DAB1: variants seen among roughly 807,000 people sequenced by gnomAD.
DAB1 encodes the protein DAB adaptor protein 1.
Under a neutral mutation model 64.6 loss-of-function variants are expected in DAB1, and 15 were observed. That is an observed-to-expected ratio of 0.23 (90% CI 0.16 to 0.36). The LOEUF (loss-of-function observed/expected upper bound fraction) is 0.36, where lower values mean the gene tolerates loss of function less well. Among genes scored for constraint, DAB1 ranks in the 10% least tolerant of loss-of-function variants. The pLI, the probability that DAB1 is intolerant of heterozygous loss-of-function variation, is 1.00. For synonymous variants in DAB1, 235 were observed against 251.9 expected, an observed-to-expected ratio of 0.93 and a Z score of 0.64; for missense variants, 596 against 706.7, an observed-to-expected ratio of 0.84 and a Z score of 1.78.
downstream of DAB1, among the ~76,000 whole-genome samples, chr1:57,824,176 A>G (rs1396449621): frequency 6.6e-6 from 1 of 152,178 alleles, no homozygotes; most frequent in East Asian, 1.9e-4. Flanking sequence ...TTTAAGCCAC[A>G]TGTCAAAAAT....
At chr1:58,545,436 A>C (rs1646686424) in intron 1 of DAB1, among the ~76,000 whole-genome samples, 1 of 152,226 alleles carries the variant, frequency 6.6e-6, no homozygotes, top group South Asian at 2.1e-4. Flanking sequence ...TCCTGAAGAA[A>C]GGGTAAAGAA....
intron 3 of DAB1, among the ~76,000 whole-genome samples, chr1:58,394,313 T>C (rs1644500997): frequency 6.6e-6 from 1 of 152,198 alleles, no homozygotes; most frequent in South Asian, 2.1e-4. Flanking sequence ...CAGTTTCTCT[T>C]AAAATTAAAG....
chr1:57,521,908 G>A (rs186623391), intron 7 of DAB1, among the ~76,000 whole-genome samples: 11 of 152,162 alleles, frequency 7.2e-5, no homozygotes, highest in East Asian at 1.9e-4. Context: ...CCAGGAGTTC[G>A]AGACCATCCT....
chr1:57,224,311 C>G (rs151122376), intron 2 of DAB1, among the ~76,000 whole-genome samples: 137 of 152,272 alleles, frequency 9.0e-4, no homozygotes, highest in African/African-American at 3.2e-3. Flanking sequence ...TAATCTCACC[C>G]AATGTCTCCC....
chr1:57,165,618 C>T (rs913306930), intron 2 of DAB1, among the ~76,000 whole-genome samples: 1 of 152,126 alleles, frequency 6.6e-6, no homozygotes, highest in Admixed American at 6.5e-5. Flanking sequence ...TTCATTTAGC[C>T]TGAAGAAAAA....
intron 3 of DAB1, among the ~76,000 whole-genome samples, chr1:58,395,965 TG>T (rs1195281920): frequency 6.6e-6 from 1 of 152,074 alleles, no homozygotes; most frequent in Non-Finnish European, 1.5e-5. Context: ...ACAAGAAAAT[TG>T]GGGTTTAGAA....
At chr1:57,498,344 T>A (rs1450848721) in intron 7 of DAB1, among the ~76,000 whole-genome samples, 3 of 152,246 alleles carry the variant, frequency 2.0e-5, no homozygotes, top group African/African-American at 7.2e-5. Flanking sequence ...AAGTATGTGA[T>A]GAGAAGGTGC....
chr1:58,478,844 T>C (rs1008643460), intron 3 of DAB1, among the ~76,000 whole-genome samples: 50 of 152,358 alleles, frequency 3.3e-4, no homozygotes, highest in African/African-American at 9.6e-4. Flanking sequence ...ATCTAAATCC[T>C]ATAGGCACAT....
At chr1:57,302,604 T>G (rs768026260) in intron 1 of DAB1, among the ~76,000 whole-genome samples, 1 of 152,142 alleles carries the variant, frequency 6.6e-6, no homozygotes, top group Non-Finnish European at 1.5e-5. Flanking sequence ...GGGATTTTTT[T>G]TTTTATTTTA....
intron 2 of DAB1, among the ~76,000 whole-genome samples, chr1:57,200,660 T>A (rs1217208783): frequency 2.6e-5 from 4 of 152,164 alleles, no homozygotes; most frequent in African/African-American, 9.7e-5. Flanking sequence ...ATAATAAGAA[T>A]GCAAATAAGT....
chr1:57,998,135 G>T (rs1288661900), intron 5 of DAB1, among the ~76,000 whole-genome samples: 2 of 152,090 alleles, frequency 1.3e-5, no homozygotes, highest in African/African-American at 4.8e-5. Flanking sequence ...TCTGTGTCCT[G>T]CCAGAGACAA....
intron 6 of DAB1, among the ~76,000 whole-genome samples, chr1:57,684,270 T>C (rs1646669026): frequency 2.0e-5 from 3 of 152,172 alleles, no homozygotes; most frequent in Admixed American, 2.0e-4. Context: ...GAAATACAGT[T>C]GACCCTGGCT....
chr1:58,098,770 T>C (rs6587801), intron 5 of DAB1, among the ~76,000 whole-genome samples: 10,561 of 152,136 alleles, frequency 0.069, 485 homozygotes, highest in African/African-American at 0.12. Context: ...CCGGAGAAGG[T>C]GGCAATCTAT....
intron 4 of DAB1, among the ~76,000 whole-genome samples, chr1:58,312,994 A>G (rs1662464374): frequency 6.6e-6 from 1 of 152,168 alleles, no homozygotes; most frequent in African/African-American, 2.4e-5. Context: ...GTTAAATATT[A>G]GCTATCTTTT....
chr1:57,008,516 A>T (rs1209019494), intron 14 of DAB1, among the ~76,000 whole-genome samples: 1 of 152,192 alleles, frequency 6.6e-6, no homozygotes. Flanking sequence ...TAAGAGCTTC[A>T]CATATATCAC....
chr1:57,841,992 C>A (rs905632589), intron 1 of DAB1, among the ~76,000 whole-genome samples: 3 of 152,324 alleles, frequency 2.0e-5, no homozygotes, highest in Admixed American at 6.5e-5. Context: ...TTATGCTCTG[C>A]TTCCTTTTTA....
intron 1 of DAB1, among the ~76,000 whole-genome samples, chr1:57,836,304 G>A (rs746843029): frequency 1.3e-5 from 2 of 152,210 alleles, no homozygotes; most frequent in Non-Finnish European, 2.9e-5. Flanking sequence ...TTGACTGTTG[G>A]TCTGAAGTGT....
intron 7 of DAB1, among the ~76,000 whole-genome samples, chr1:57,648,309 T>C (rs1320483794): frequency 6.6e-6 from 1 of 151,946 alleles, no homozygotes; most frequent in African/African-American, 2.4e-5. Context: ...GAGGCGAGTG[T>C]CCCCCGACCC....
At chr1:57,967,848 C>T (rs543608158) in intron 5 of DAB1, among the ~76,000 whole-genome samples, 3 of 152,216 alleles carry the variant, frequency 2.0e-5, no homozygotes, top group South Asian at 4.1e-4. Context: ...ATTATAAGGA[C>T]TGATGATAAA....
Sources: gnomAD v4.1 joint callset for allele counts (sites outside exome capture counted in the v4.1 genomes callset) on GRCh38, gnomAD v4.1.1 for gene constraint, MANE v1.5 for transcripts, NCBI Gene and HGNC (gene_info 2026-07-23, HGNC 2026-07-21) for gene names.